The following PHF20 variants were observed in gnomAD, a reference collection of about 807,000 sequenced individuals.
PHF20 encodes the protein PHD finger protein 20.
PHF20 carries 23 observed loss-of-function variants against 113.5 expected under a neutral mutation model. That is an observed-to-expected ratio of 0.20 (90% CI 0.15 to 0.29). The LOEUF (loss-of-function observed/expected upper bound fraction) is 0.29. Ranked by LOEUF, PHF20 falls within the 10% of genes least tolerant of loss-of-function variation. PHF20 has a pLI of 1.00. For missense variants in PHF20, 943 were observed against 1,219.6 expected, an observed-to-expected ratio of 0.77 and a Z score of 3.38; for synonymous variants, 434 against 457.3, an observed-to-expected ratio of 0.95 and a Z score of 0.65.
At chr20:35,866,652 G>T (rs1291250959) in intron 6 of PHF20, among the ~76,000 whole-genome samples, 3 of 152,160 alleles carry the variant, frequency 2.0e-5, no homozygotes, top group Non-Finnish European at 4.4e-5. Flanking sequence ...CCTTAGCTCA[G>T]TTTAGGAAAG....
chr20:35,935,791 C>G (rs2055853642), intron 15 of PHF20, among the ~76,000 whole-genome samples: 1 of 152,176 alleles, frequency 6.6e-6, no homozygotes, highest in South Asian at 2.1e-4. Context: ...GTACTTCTTA[C>G]AAATGGAGAA....
At chr20:35,891,845 A>G (rs6119672) in intron 9 of PHF20, among the ~76,000 whole-genome samples, 39,443 of 151,764 alleles carry the variant, frequency 0.26, 6,154 homozygotes, top group African/African-American at 0.44. Context: ...CTTTTTTGTT[A>G]TTCTATTTTT....
chr20:35,820,503 C>T (rs932633880), intron 2 of PHF20, among the ~76,000 whole-genome samples: 1 of 146,796 alleles, frequency 6.8e-6, no homozygotes, highest in Non-Finnish European at 1.5e-5. Flanking sequence ...GGCTGGAGTG[C>T]AGTGGCATGA....
intron 1 of PHF20, among the ~76,000 whole-genome samples, chr20:35,787,519 C>T (rs931833593): frequency 6.2e-5 from 9 of 146,142 alleles, no homozygotes; most frequent in African/African-American, 1.8e-4. Flanking sequence ...GACAGAGTTT[C>T]GCTCTGTCTC....
intron 10 of PHF20, among the ~76,000 whole-genome samples, chr20:35,900,696 G>A (rs2055077962): frequency 6.6e-6 from 1 of 152,034 alleles, no homozygotes. Flanking sequence ...AATTAGCCGG[G>A]CTTGGTGGTG....
intron 1 of PHF20, among the ~76,000 whole-genome samples, chr20:35,788,055 G>T (rs2041459444): frequency 6.6e-6 from 1 of 152,120 alleles, no homozygotes; most frequent in South Asian, 2.1e-4. Flanking sequence ...TGGGATTACA[G>T]GTGTGAGCTA....
chr20:35,856,030 T>C (rs2042821207), intron 4 of PHF20, among the ~76,000 whole-genome samples: 1 of 152,164 alleles, frequency 6.6e-6, no homozygotes. Flanking sequence ...CCTGTTGTGC[T>C]AGCAAATACT....
intron 2 of PHF20, among the ~76,000 whole-genome samples, chr20:35,808,911 A>G (rs1358508586): frequency 6.6e-6 from 1 of 151,446 alleles, no homozygotes; most frequent in Admixed American, 6.6e-5. Flanking sequence ...TATGGAAAAG[A>G]GGAAAACGTT....
At chr20:35,939,642 A>T (rs1263623636) in intron 16 of PHF20, among the ~76,000 whole-genome samples, 2 of 152,080 alleles carry the variant, frequency 1.3e-5, no homozygotes, top group African/African-American at 4.8e-5. Context: ...TTTGTTATTC[A>T]AGTCATTCTC....
intron 9 of PHF20, among the ~76,000 whole-genome samples, chr20:35,898,137 A>G (rs888112481): frequency 6.6e-6 from 1 of 151,068 alleles, no homozygotes; most frequent in Non-Finnish European, 1.5e-5. Context: ...GGCCTCCCAA[A>G]GTGCTGAGAT....
intron 7 of PHF20, 61 bp from the exon 8 acceptor site, chr20:35,870,894 A>G: frequency 1.6e-6 from 2 of 1,256,520 alleles, no homozygotes; most frequent in South Asian, 1.5e-5. Context: ...TGAAATCTGT[A>G]GTAGCACAGT....
At chr20:35,850,928 G>T in intron 4 of PHF20, 1 of 601,786 alleles carries the variant, frequency 1.7e-6, no homozygotes, top group South Asian at 1.6e-5. Context: ...TGAAGGTGAA[G>T]ATAGAACTGC....
At chr20:35,832,341 C>T (rs183977691) in intron 2 of PHF20, among the ~76,000 whole-genome samples, 1 of 152,258 alleles carries the variant, frequency 6.6e-6, no homozygotes, top group Admixed American at 6.6e-5. Context: ...TACTTTATTA[C>T]AATTATTTGT....
intron 9 of PHF20, among the ~76,000 whole-genome samples, chr20:35,891,162 C>G (rs940849354): frequency 6.6e-6 from 1 of 151,824 alleles, no homozygotes; most frequent in Non-Finnish European, 1.5e-5. Flanking sequence ...GGATCACTTG[C>G]AGTCAGGAGT....
In PHF20 at chr20:35,869,568, T is replaced by C; in HGVS notation, c.922+17T>C. On this transcript the variant is annotated intron_variant, in intron 7 of 17. Coordinates refer to ENST00000374012, the MANE Select transcript of PHF20 (RefSeq NM_016436.5). The stretch of plus-strand genomic sequence containing the variant: ...AAAATTCATGTGAGTCTACAGTTTG[T>C]TTATGTGTGGCTAGAATTTGACGTT... The C allele has an allele frequency of 2.3e-6, 3 of 1,329,088 alleles. No individual in the cohort carries two copies. Among genetic ancestry groups the C allele is most frequent in the South Asian group, 1.2e-5 (1 of 84,122 alleles). 82.3% of individuals were successfully genotyped at this position (1,329,088 alleles called of 1,614,324 possible).
intron 4 of PHF20, among the ~76,000 whole-genome samples, chr20:35,847,703 T>A (rs1386477592): frequency 4.6e-5 from 7 of 152,222 alleles, no homozygotes. Context: ...TGCCTGGAAG[T>A]ATGCAGGTAC....
intron 2 of PHF20, among the ~76,000 whole-genome samples, chr20:35,832,863 C>T (rs1228689665): frequency 1.3e-5 from 2 of 152,014 alleles, no homozygotes; most frequent in Non-Finnish European, 2.9e-5. Flanking sequence ...GCCTGGCCAA[C>T]ATAGTGAAAC....
chr20:35,906,301 A>G (rs757475632), intron 10 of PHF20, among the ~76,000 whole-genome samples: 8 of 152,232 alleles, frequency 5.3e-5, no homozygotes, highest in Non-Finnish European at 1.0e-4. Flanking sequence ...CTTAATTAGA[A>G]TATGGATTAT....
chr20:35,817,832 G>T (rs1366937315), intron 2 of PHF20, among the ~76,000 whole-genome samples: 1 of 151,868 alleles, frequency 6.6e-6, no homozygotes, highest in Non-Finnish European at 1.5e-5. Context: ...TTTTGGCCAG[G>T]TGTTGTGGCT....
Sources: allele counts gnomAD v4.1 joint callset (sites outside exome capture counted in the v4.1 genomes callset), GRCh38; gene constraint gnomAD v4.1.1; transcripts MANE v1.5; gene names NCBI Gene and HGNC (gene_info 2026-07-23, HGNC 2026-07-21).